CRACD: variants seen among roughly 807,000 people sequenced by gnomAD.
The protein encoded by CRACD is capping protein-inhibiting regulator of actin dynamics.
Under a neutral mutation model 106.8 loss-of-function variants are expected in CRACD, and 56 were observed. That is an observed-to-expected ratio of 0.52 (90% confidence interval 0.42 to 0.66). CRACD has a LOEUF of 0.66. CRACD is among the 30% of genes least tolerant of loss of function. The probability of loss-of-function intolerance (pLI) is 0.00; values close to 1 mark genes in which losing one functional copy is unlikely to be tolerated. For synonymous variants in CRACD, 754 were observed against 670.8 expected (o/e 1.12, Z -1.92); for missense variants, 1,730 against 1,623.2 (o/e 1.07, Z -1.13).
intron 1 of CRACD, among the ~76,000 whole-genome samples, chr4:56,066,851 G>A (rs1260086423): frequency 6.6e-6 from 1 of 152,158 alleles, no homozygotes; most frequent in Non-Finnish European, 1.5e-5. Context: ...ATGAATGCGT[G>A]TTCATGGGGT....
intron 3 of CRACD, among the ~76,000 whole-genome samples, chr4:56,277,214 T>C (rs1308790236): frequency 6.6e-6 from 1 of 152,174 alleles, no homozygotes; most frequent in African/African-American, 2.4e-5. Context: ...CAATATCCTT[T>C]ATGACAATAG....
intron 1 of CRACD, among the ~76,000 whole-genome samples, chr4:56,160,971 A>G (rs979971619): frequency 2.6e-5 from 4 of 152,206 alleles, no homozygotes; most frequent in Admixed American, 2.0e-4. Context: ...AAGAAGATAA[A>G]GCATTCCACA....
chr4:56,299,012 C>A (rs1460676942), intron 4 of CRACD, among the ~76,000 whole-genome samples: 3 of 152,156 alleles, frequency 2.0e-5, no homozygotes, highest in Admixed American at 1.3e-4. Context: ...TGCCCATAAT[C>A]CCTGAATCAG....
intron 3 of CRACD, among the ~76,000 whole-genome samples, chr4:56,274,246 T>C (rs1201781458): frequency 6.6e-6 from 1 of 152,198 alleles, no homozygotes; most frequent in South Asian, 2.1e-4. Context: ...AGGTTTTCAA[T>C]TGTAAAATAA....
At chr4:56,286,789 G>C (rs1342974186) in intron 3 of CRACD, among the ~76,000 whole-genome samples, 2 of 152,100 alleles carry the variant, frequency 1.3e-5, no homozygotes, top group African/African-American at 4.8e-5. Flanking sequence ...TGGTCAGGGT[G>C]ATGAGCATCA....
intron 3 of CRACD, among the ~76,000 whole-genome samples, chr4:56,275,591 A>G (rs1742630677): frequency 6.6e-6 from 1 of 152,252 alleles, no homozygotes; most frequent in African/African-American, 2.4e-5. Flanking sequence ...CTGAGCTTCT[A>G]ATTATTTGCC....
At position 56,134,523 on chromosome 4, in the gene CRACD, G is replaced by T. The variant is rs148459589; in HGVS notation, c.-335-44761G>T. 1.1e-3 allele frequency among the ~76,000 whole-genome samples: 163 copies of T among 152,306 alleles called. 1 individual carries two copies. The Middle Eastern group carries it at 0.024, about 22-fold the overall frequency. ...GATGTGCTCTGCTTCTGGGCAAGCA[G>T]CTCTGTCTGAGAGAAGGAACTAGCC... On this transcript the variant is annotated intron_variant, in intron 1 of 10. Transcript: ENST00000682029.
intron 3 of CRACD, among the ~76,000 whole-genome samples, chr4:56,290,623 A>G (rs926124734): frequency 6.6e-6 from 1 of 152,234 alleles, no homozygotes; most frequent in Non-Finnish European, 1.5e-5. Flanking sequence ...CTGATTAGAA[A>G]TGCCTGATGA....
chr4:56,068,783 G>C (rs145666967), intron 1 of CRACD, among the ~76,000 whole-genome samples: 1 of 152,260 alleles, frequency 6.6e-6, no homozygotes, highest in East Asian at 1.9e-4. Context: ...ATAAAGATCT[G>C]GAGTTTGATT....
At chr4:56,128,996 T>A (rs1010897433) in intron 1 of CRACD, among the ~76,000 whole-genome samples, 16 of 152,134 alleles carry the variant, frequency 1.1e-4, no homozygotes, top group African/African-American at 3.9e-4. Context: ...GACCTATTTT[T>A]AAAAAAACTA....
At chr4:56,133,126 CA>C (rs1418753853) in intron 1 of CRACD, among the ~76,000 whole-genome samples, 1 of 152,140 alleles carries the variant, frequency 6.6e-6, no homozygotes, top group East Asian at 1.9e-4. Flanking sequence ...TCCTGTCACC[CA>C]GATTTTCTTA....
intron 3 of CRACD, among the ~76,000 whole-genome samples, chr4:56,284,596 G>A (rs573537622): frequency 2.6e-5 from 4 of 151,992 alleles, no homozygotes; most frequent in Non-Finnish European, 2.9e-5. Context: ...GTGGTGGTGG[G>A]TACCTGTAAT....
At chr4:56,072,572 A>G (rs967785316) in intron 1 of CRACD, among the ~76,000 whole-genome samples, 2 of 152,080 alleles carry the variant, frequency 1.3e-5, no homozygotes, top group Admixed American at 6.6e-5. Flanking sequence ...CATCACTGCT[A>G]TCTAATTCTA....
intron 3 of CRACD, among the ~76,000 whole-genome samples, chr4:56,286,092 C>A (rs1394053884): frequency 6.6e-6 from 1 of 152,030 alleles, no homozygotes; most frequent in Non-Finnish European, 1.5e-5. Context: ...AAATTAACTC[C>A]TTTAAGATTA....
intron 1 of CRACD, among the ~76,000 whole-genome samples, chr4:56,056,805 G>T (rs1732087747): frequency 1.3e-5 from 2 of 152,080 alleles, no homozygotes; most frequent in South Asian, 4.1e-4. Flanking sequence ...GGGCCTGGTG[G>T]CTCATGCCTA....
chr4:56,136,719 TC>T (rs1369326677), intron 1 of CRACD, among the ~76,000 whole-genome samples: 1 of 152,226 alleles, frequency 6.6e-6, no homozygotes, highest in East Asian at 1.9e-4. Flanking sequence ...CTTTTCATGT[TC>T]TTAACTGTAT....
intron 2 of CRACD, among the ~76,000 whole-genome samples, chr4:56,225,978 C>T (rs569608807): frequency 7.9e-5 from 12 of 152,322 alleles, no homozygotes; most frequent in African/African-American, 2.9e-4. Context: ...TCTCCTTATC[C>T]ATTTAGATAT....
chr4:56,294,415 T>C (rs2109709220), intron 3 of CRACD, among the ~76,000 whole-genome samples: 1 of 152,264 alleles, frequency 6.6e-6, no homozygotes, highest in Non-Finnish European at 1.5e-5. Context: ...AGAATAAACC[T>C]ATCAAAATAT....
chr4:56,293,100 G>A (rs569225047), intron 3 of CRACD, among the ~76,000 whole-genome samples: 7 of 152,128 alleles, frequency 4.6e-5, no homozygotes, highest in South Asian at 2.1e-4. Context: ...CAGCAGATTG[G>A]ACTTAAAGAG....
Sources: allele counts gnomAD v4.1 joint callset (sites outside exome capture counted in the v4.1 genomes callset), GRCh38; gene constraint gnomAD v4.1.1; transcripts MANE v1.5; gene names NCBI Gene and HGNC (gene_info 2026-07-23, HGNC 2026-07-21).